Variants in BRINP1 observed in about 807,000 individuals in gnomAD.
BRINP1 encodes BMP/retinoic acid-inducible neural-specific protein 1.
A neutral mutation model predicts 72.9 loss-of-function variants in BRINP1; 17 were observed. The ratio of observed to expected loss-of-function variants is 0.23; its 90% CI spans 0.16 to 0.35. The LOEUF (loss-of-function observed/expected upper bound fraction) is 0.35, where lower values mean the gene tolerates loss of function less well. BRINP1 is among the 10% of genes least tolerant of loss of function. BRINP1 has a pLI of 1.00. For missense variants in BRINP1, 850 were observed against 1,001.6 expected, an observed-to-expected ratio of 0.85 and a Z score of 2.04; for synonymous variants, 418 against 378.5, an observed-to-expected ratio of 1.10 and a Z score of -1.21.
At chr9:119,238,634 C>T in intron 5 of BRINP1, 21 bp downstream of exon 5, 1 of 1,546,840 alleles carries the variant, frequency 6.5e-7, no homozygotes, top group Non-Finnish European at 8.9e-7. Flanking sequence ...ACTGACCCCA[C>T]TTTTTCCACT....
chr9:119,251,672 T>TTC (rs58112464), intron 2 of BRINP1, among the ~76,000 whole-genome samples: 1 of 151,294 alleles, frequency 6.6e-6, no homozygotes, highest in African/African-American at 2.4e-5. Context: ...ACAGAAAACA[T>TTC]TGAGAAGGGC....
At position 119,167,773 on chromosome 9, in the gene BRINP1, T is replaced by C; in HGVS notation, c.1597A>G (p.Asn533Asp). ...ACCATGTGGATGAAGTCCATGCGGTTCTTGTTGCTCTTGAGAGTGAGGGAC... is the reference window on the plus strand; with the variant it reads ...ACCATGTGGATGAAGTCCATGCGGTCCTTGTTGCTCTTGAGAGTGAGGGAC... ...RMSLTLKSNK[N>D]RMDFIHMVIG... The change falls in exon 8 of 8, where the codon AAC becomes GAC. Residue 533 changes from asparagine (N) to aspartate (D), a missense_variant. Transcript: ENST00000265922. This position sits in a 1 kb window ranked among gnomAD's most constrained non-coding sequence, Gnocchi z 4.3. The C allele has an allele frequency of 1.2e-6, 2 of 1,613,984 alleles. No homozygotes were observed. Among genetic ancestry groups the C allele is most frequent in the Non-Finnish European group, 1.7e-6 (2 of 1,180,008 alleles).
chr9:119,298,406 T>A (rs1239858394), intron 2 of BRINP1, among the ~76,000 whole-genome samples: 5 of 152,172 alleles, frequency 3.3e-5, no homozygotes, highest in Non-Finnish European at 1.5e-5. Flanking sequence ...AGATCACTAC[T>A]CAAAGATCTA....
chr9:119,226,997 AT>A (rs1830098753), intron 5 of BRINP1, among the ~76,000 whole-genome samples: 1 of 152,016 alleles, frequency 6.6e-6, no homozygotes, highest in South Asian at 2.1e-4. Context: ...CAATTTTCAA[AT>A]CTGAAAAATG....
At position 119,368,910 on chromosome 9, in the gene BRINP1, T is replaced by C. The variant is rs1035438212; in HGVS notation, c.-51+146A>G. 1.4e-5 allele frequency: 5 copies of C among 360,458 alleles called. No homozygotes were observed. The highest frequency in any genetic ancestry group is 2.5e-5 in the Non-Finnish European group (5 of 202,204). 22.3% of individuals were successfully genotyped at this position (360,458 alleles called of 1,614,324 possible). A position where few individuals can be genotyped will look rare whatever the true frequency, so the allele number is the denominator to read the frequency against. ...CCCCTCCCTAGAACTGGAGAAGACTTGGAGGCGGCGGGGCGGCCAGGTGAA... is the reference window on the plus strand; with the variant it reads ...CCCCTCCCTAGAACTGGAGAAGACTCGGAGGCGGCGGGGCGGCCAGGTGAA... On this transcript the variant is annotated intron_variant, in intron 1 of 7. Coordinates refer to ENST00000265922, the MANE Select transcript of BRINP1 (RefSeq NM_014618.3). This position sits in a 1 kb window ranked among gnomAD's most constrained non-coding sequence, Gnocchi z 4.7.
At chr9:119,180,956 T>C (rs1588156241) in intron 7 of BRINP1, among the ~76,000 whole-genome samples, 1 of 152,314 alleles carries the variant, frequency 6.6e-6, no homozygotes. Context: ...ATAGGGTCTT[T>C]AAAATTAGGT....
chr9:119,355,868 T>G (rs1029760739), intron 1 of BRINP1, among the ~76,000 whole-genome samples: 4 of 152,248 alleles, frequency 2.6e-5, no homozygotes, highest in Non-Finnish European at 4.4e-5. Flanking sequence ...CCAAACACTC[T>G]GATAACATTT....
At chr9:119,343,573 G>T (rs1278384460) in intron 1 of BRINP1, among the ~76,000 whole-genome samples, 1 of 152,042 alleles carries the variant, frequency 6.6e-6, no homozygotes, top group African/African-American at 2.4e-5. Context: ...GTATCTAGAA[G>T]CCCATCTTTC....
chr9:119,369,409 G>A lies in BRINP1; in HGVS notation c.-404C>T, dbSNP rs1831732354. On this transcript the variant is annotated 5_prime_UTR_variant, in exon 1 of 8. Transcript: ENST00000265922. ...GCGCCAGATCAGTTTGCAGCCGTGG[G>A]GTCCGGGAGCGAGGCGGCTGGCGAA... The A allele has an allele frequency of 2.5e-6, 1 of 396,158 alleles. No individual in the cohort carries two copies. The highest frequency in any genetic ancestry group is 4.4e-6 in the Non-Finnish European group (1 of 224,902). The allele number at this position is 396,158 out of a possible 1,614,324, so 24.5% of individuals were successfully genotyped here. A position where few individuals can be genotyped will look rare whatever the true frequency, so the allele number is the denominator to read the frequency against.
chr9:119,299,445 C>T (rs1308375955), intron 2 of BRINP1, among the ~76,000 whole-genome samples: 1 of 151,986 alleles, frequency 6.6e-6, no homozygotes, highest in African/African-American at 2.4e-5. Flanking sequence ...GAAACCCCGT[C>T]TCTACTAAAA....
intron 5 of BRINP1, among the ~76,000 whole-genome samples, chr9:119,234,430 A>G (rs1390820736): frequency 6.8e-6 from 1 of 147,188 alleles, no homozygotes; most frequent in Non-Finnish European, 1.5e-5. Flanking sequence ...GTGCTTGTTC[A>G]TGTCTTTCAT....
intron 5 of BRINP1, among the ~76,000 whole-genome samples, chr9:119,226,924 C>T (rs930170791): frequency 6.6e-6 from 1 of 151,930 alleles, no homozygotes; most frequent in African/African-American, 2.4e-5. Context: ...AGAATACCAG[C>T]ACTGAGTGGA....
intron 1 of BRINP1, among the ~76,000 whole-genome samples, chr9:119,341,421 A>G (rs552433014): frequency 6.6e-6 from 1 of 152,306 alleles, no homozygotes; most frequent in South Asian, 2.1e-4. Flanking sequence ...AATACGGATG[A>G]TCCCCAACTT....
chr9:119,226,090 TAAGAC>T (rs34084557), intron 5 of BRINP1, among the ~76,000 whole-genome samples: 14,741 of 151,950 alleles, frequency 0.097, 874 homozygotes, highest in African/African-American at 0.17. Flanking sequence ...ATTGTACACA[TAAGAC>T]AAGACAGAAT....
At chr9:119,202,289 G>C (rs1829812661) in intron 7 of BRINP1, among the ~76,000 whole-genome samples, 1 of 152,174 alleles carries the variant, frequency 6.6e-6, no homozygotes, top group African/African-American at 2.4e-5. Context: ...TGCTTTAGAA[G>C]TGTTAACTAT....
intron 1 of BRINP1, among the ~76,000 whole-genome samples, chr9:119,318,843 GGGTGTGTGT>G (rs1831153810): frequency 8.4e-6 from 1 of 118,390 alleles, no homozygotes; most frequent in African/African-American, 3.0e-5. Context: ...GAAATGTGTG[GGGTGTGTGT>G]GTGTGTGTGT....
chr9:119,299,113 C>G (rs1830912600), intron 2 of BRINP1, among the ~76,000 whole-genome samples: 1 of 151,980 alleles, frequency 6.6e-6, no homozygotes, highest in Non-Finnish European at 1.5e-5. Context: ...AGTGTACAAT[C>G]CATTATTATT....
At chr9:119,350,278 C>T (rs890414125) in intron 1 of BRINP1, among the ~76,000 whole-genome samples, 7 of 152,096 alleles carry the variant, frequency 4.6e-5, no homozygotes, top group Admixed American at 1.3e-4. Context: ...CAAGTCAGAG[C>T]CCTACCCGAG....
intron 1 of BRINP1, among the ~76,000 whole-genome samples, chr9:119,328,475 A>C (rs1381679904): frequency 6.6e-6 from 1 of 152,130 alleles, no homozygotes; most frequent in Non-Finnish European, 1.5e-5. Context: ...TTATGGAAAG[A>C]CTTTAGTATA....
Sources: gnomAD v4.1 joint callset for allele counts (sites outside exome capture counted in the v4.1 genomes callset) on GRCh38, gnomAD v4.1.1 for gene constraint, Gnocchi (gnomAD v3.1) non-coding constraint, MANE v1.5 for transcripts, NCBI Gene and HGNC (gene_info 2026-07-23, HGNC 2026-07-21) for gene names.